The following JARID2 variants were observed in gnomAD, a reference collection of about 807,000 sequenced individuals.
JARID2 encodes protein Jumonji.
Under a neutral mutation model 125.6 loss-of-function variants are expected in JARID2, and 21 were observed. That is an observed-to-expected ratio of 0.17 (90% CI 0.12 to 0.24). JARID2 has a LOEUF of 0.24. JARID2 is among the 10% of genes least tolerant of loss of function. The pLI is 1.00. For missense variants in JARID2, 1,303 were observed against 1,639.6 expected (o/e 0.79, Z 3.55); for synonymous variants, 736 against 661.6 (o/e 1.11, Z -1.73).
intron 6 of JARID2, among the ~76,000 whole-genome samples, chr6:15,493,938 G>C (rs893198216): frequency 6.6e-5 from 10 of 151,976 alleles, no homozygotes; most frequent in Admixed American, 2.6e-4. Flanking sequence ...TCTCCAAAAG[G>C]GTTTCGCATT....
At chr6:15,470,759 G>A (rs1769037514) in intron 5 of JARID2, among the ~76,000 whole-genome samples, 1 of 152,164 alleles carries the variant, frequency 6.6e-6, no homozygotes, top group Non-Finnish European at 1.5e-5. Flanking sequence ...TATGTGAATT[G>A]GAATGCAGGT....
chr6:15,353,723 C>G (rs538679597), intron 1 of JARID2, among the ~76,000 whole-genome samples: 1 of 152,126 alleles, frequency 6.6e-6, no homozygotes, highest in South Asian at 2.1e-4. Flanking sequence ...TCTACCTCTT[C>G]AGGATTTCAA....
chr6:15,456,977 C>T (rs1768211274), intron 4 of JARID2, among the ~76,000 whole-genome samples: 1 of 139,240 alleles, frequency 7.2e-6, no homozygotes. Flanking sequence ...AGAATGCATT[C>T]AAAATAGCAT....
chr6:15,493,934 A>G (rs961358094), intron 6 of JARID2, among the ~76,000 whole-genome samples: 2 of 152,016 alleles, frequency 1.3e-5, no homozygotes, highest in African/African-American at 2.4e-5. Context: ...TTCCTCTCCA[A>G]AAGGGTTTCG....
intron 1 of JARID2, among the ~76,000 whole-genome samples, chr6:15,328,303 A>G (rs1384319839): frequency 6.6e-6 from 1 of 152,126 alleles, no homozygotes; most frequent in Admixed American, 6.5e-5. Context: ...TAAAGCTGCT[A>G]TTTACTGGGC....
At chr6:15,258,583 G>A (rs1341686277) in intron 1 of JARID2, among the ~76,000 whole-genome samples, 6 of 152,086 alleles carry the variant, frequency 3.9e-5, no homozygotes, top group South Asian at 2.1e-4. Context: ...GGAGTTTGAG[G>A]CCAGCCTGAC....
chr6:15,497,545 A>C (rs1770514325), intron 7 of JARID2, among the ~76,000 whole-genome samples: 1 of 151,168 alleles, frequency 6.6e-6, no homozygotes, highest in African/African-American at 2.4e-5. Flanking sequence ...AGCTACTTGG[A>C]GAGGCTGAGG....
At chr6:15,517,056 G>C in intron 16 of JARID2, 105 bp from the exon 17 acceptor site, 1 of 774,382 alleles carries the variant, frequency 1.3e-6, no homozygotes, top group East Asian at 2.5e-5. Context: ...CTCTGGCGCG[G>C]GCAGTGGGTG....
chr6:15,468,471 T>G, intron 4 of JARID2, 71 bp from the exon 5 acceptor site: 1 of 1,366,600 alleles, frequency 7.3e-7, no homozygotes, highest in Non-Finnish European at 9.9e-7. Flanking sequence ...TTTTGTTTCA[T>G]TGTGGTGTTC....
chr6:15,260,114 C>T (rs549967555), intron 1 of JARID2, among the ~76,000 whole-genome samples: 1 of 152,286 alleles, frequency 6.6e-6, no homozygotes, highest in African/African-American at 2.4e-5. Context: ...AAGTAATCCC[C>T]AGTGATGATT....
chr6:15,335,847 C>T (rs1762858786), intron 1 of JARID2, among the ~76,000 whole-genome samples: 1 of 152,054 alleles, frequency 6.6e-6, no homozygotes, highest in Admixed American at 6.5e-5. Flanking sequence ...AATCCCAGCA[C>T]TTTGGGAGTC....
In JARID2 at chr6:15,511,292, C is replaced by G. The variant is rs201274228; in HGVS notation, c.2847-4C>G. The G allele has an allele frequency of 1.2e-6, 2 of 1,603,310 alleles. No individual in the cohort carries two copies. The highest frequency in any genetic ancestry group is 1.7e-6 in the Non-Finnish European group (2 of 1,170,276). ...CTTGTCTCTTGTGTCTCTCAATGAC[C>G]CAGGTATTGCATTCCTGCTGAGGAG... On this transcript the variant is annotated splice_polypyrimidine_tract_variant and splice_region_variant and intron_variant, in intron 12 of 17. Transcript: ENST00000341776.
intron 5 of JARID2, among the ~76,000 whole-genome samples, chr6:15,480,344 T>C (rs961216512): frequency 2.6e-5 from 4 of 152,236 alleles, no homozygotes; most frequent in Admixed American, 6.5e-5. Context: ...TTAGGCCTTC[T>C]GAACTGTATT....
In JARID2 at chr6:15,358,523, G is replaced by A. The variant is rs373582420; in HGVS notation, c.46-15594G>A. 3.3e-5 allele frequency among the ~76,000 whole-genome samples: 5 copies of A among 152,174 alleles called. 1 individual carries two copies. Among genetic ancestry groups the A allele is most frequent in the Admixed American group, 3.3e-4 (5 of 15,284 alleles). On this transcript the variant is annotated intron_variant, in intron 1 of 17. Coordinates refer to ENST00000341776, the MANE Select transcript of JARID2 (RefSeq NM_004973.4). ...TTTTCATCATTGAGTTGGGGCAACC[G>A]AAGCTTTGAATGGATGATAGCAGAT...
intron 3 of JARID2, among the ~76,000 whole-genome samples, chr6:15,426,393 A>G (rs1766728203): frequency 6.6e-6 from 1 of 152,206 alleles, no homozygotes; most frequent in Non-Finnish European, 1.5e-5. Flanking sequence ...CAAGATGGTT[A>G]GTTGATATTC....
At chr6:15,482,966 C>T (rs1039057458) in intron 5 of JARID2, among the ~76,000 whole-genome samples, 32 of 152,262 alleles carry the variant, frequency 2.1e-4, no homozygotes, top group Admixed American at 1.0e-3. Flanking sequence ...GAATTTCTGT[C>T]GAACTCATGA....
chr6:15,415,317 A>G (rs911758270), intron 3 of JARID2, among the ~76,000 whole-genome samples: 3 of 152,092 alleles, frequency 2.0e-5, no homozygotes, highest in Non-Finnish European at 2.9e-5. Flanking sequence ...CCCGTTCCCA[A>G]TGAGCTGCCG....
rs1771810135 is a variant in JARID2, at chr6:15,520,913, A to AT, written c.*662_*663insT. 1 of 439,406 alleles carries AT rather than the reference A, an allele frequency of 2.3e-6. No homozygotes were observed. The highest frequency in any genetic ancestry group is 2.0e-5 in the African/African-American group (1 of 49,526). The allele number at this position is 439,406 out of a possible 1,614,324, so 27.2% of individuals were successfully genotyped here. A position where few individuals can be genotyped will look rare whatever the true frequency, so the allele number is the denominator to read the frequency against. ...ACATCACTATGCATCTGTTCCAGGA[A>AT]AGAAGAAAAGCGAGCGAGGAAGACG... On this transcript the variant is annotated 3_prime_UTR_variant, in exon 18 of 18. Coordinates refer to ENST00000341776, the MANE Select transcript of JARID2 (RefSeq NM_004973.4).
At chr6:15,271,891 TCGGGAGG>T (rs1225088083) in intron 1 of JARID2, among the ~76,000 whole-genome samples, 2 of 152,292 alleles carry the variant, frequency 1.3e-5, no homozygotes, top group Admixed American at 1.3e-4. Flanking sequence ...TCCCAGCTAC[TCGGGAGG>T]CTGAGGCAGG....
Sources: allele counts gnomAD v4.1 joint callset (sites outside exome capture counted in the v4.1 genomes callset), GRCh38; gene constraint gnomAD v4.1.1; transcripts MANE v1.5; gene names NCBI Gene and HGNC (gene_info 2026-07-23, HGNC 2026-07-21).